Variants in FAT1 observed in about 807,000 individuals in gnomAD.
FAT1 encodes the protein protocadherin Fat 1.
A neutral mutation model predicts 329.8 loss-of-function variants in FAT1; 171 were observed. The ratio of observed to expected loss-of-function variants is 0.52; its 90% CI spans 0.46 to 0.59. FAT1 has a LOEUF of 0.59. FAT1 is among the 20% of genes least tolerant of loss of function. The pLI is 0.00. For synonymous variants in FAT1, 2,233 were observed against 2,228.6 expected, an observed-to-expected ratio of 1.00 and a Z score of -0.06; for missense variants, 5,672 against 5,774.4, an observed-to-expected ratio of 0.98 and a Z score of 0.57.
At chr4:186,700,395 C>T (rs531984823) in intron 2 of FAT1, among the ~76,000 whole-genome samples, 8 of 152,360 alleles carry the variant, frequency 5.3e-5, no homozygotes, top group African/African-American at 1.9e-4. Flanking sequence ...CACCTGGATT[C>T]ACCCACGCCT....
In FAT1 at chr4:186,707,289, T is replaced by C; in HGVS notation, c.2539A>G (p.Thr847Ala). ...CCGTTGGGCCCCAGGTCTTTATCTG[T>C]GGCTTCAACCTGGATGATTTCACTA... Reference protein sequence around the residue: ...VHSEIIQVEATDKDLGPNGHV... With the variant: ...VHSEIIQVEAADKDLGPNGHV... The change falls in exon 2 of 27, where the codon ACA (threonine) becomes GCA (alanine). Residue 847 changes from threonine to alanine, a missense_variant. By Grantham distance (58) the Thr-to-Ala change is moderately conservative (BLOSUM62 0). Transcript: ENST00000441802. 6.2e-7 allele frequency: 1 copy of C among 1,614,026 alleles called. No homozygotes were observed. Among genetic ancestry groups the C allele is most frequent in the Non-Finnish European group, 8.5e-7 (1 of 1,179,884 alleles).
upstream of FAT1, chr4:186,726,693 C>T (rs1745735218): frequency 6.6e-6 from 1 of 152,190 alleles, no homozygotes; most frequent in African/African-American, 2.4e-5. Context: ...TGCGGCGACT[C>T]GCTGCCTCTT....
chr4:186,676,235 G>A lies in FAT1; in HGVS notation c.3266-12622C>T, dbSNP rs1445345453. 2.0e-5 allele frequency among the ~76,000 whole-genome samples: 3 copies of A among 149,420 alleles called. No individual in the cohort carries two copies. In the South Asian group the frequency reaches 6.4e-4, roughly 32 times the overall value. ...CTGCTTGAATTTTATAATGCAACAT[G>A]TAATAAAGTGATTTTAAAAAAATAA... On this transcript the variant is annotated intron_variant, in intron 2 of 26. Transcript: ENST00000441802.
intron 12 of FAT1, among the ~76,000 whole-genome samples, chr4:186,613,635 A>T (rs1324573967): frequency 6.6e-6 from 1 of 152,242 alleles, no homozygotes; most frequent in Non-Finnish European, 1.5e-5. Flanking sequence ...AAATTTAAAA[A>T]ATGTTTAAAT....
intron 17 of FAT1, 111 bp downstream of exon 17, chr4:186,605,959 G>A (rs1254554124): frequency 1.6e-5 from 16 of 1,007,724 alleles, no homozygotes; most frequent in East Asian, 2.4e-5. Flanking sequence ...TGAATTCTAC[G>A]TTTCCCATTT....
At chr4:186,594,293 C>T (rs1738389134) in intron 26 of FAT1, among the ~76,000 whole-genome samples, 1 of 149,758 alleles carries the variant, frequency 6.7e-6, no homozygotes, top group South Asian at 2.1e-4. Context: ...GATCTCCCAA[C>T]CTTGTGATCC....
intron 2 of FAT1, among the ~76,000 whole-genome samples, chr4:186,677,873 T>TA (rs1390891319): frequency 6.6e-6 from 1 of 152,130 alleles, no homozygotes; most frequent in African/African-American, 2.4e-5. Context: ...TATATAAGAA[T>TA]AGATTGGCAA....
intron 7 of FAT1, among the ~76,000 whole-genome samples, chr4:186,632,660 G>T (rs1203778626): frequency 2.7e-5 from 4 of 150,438 alleles, no homozygotes; most frequent in African/African-American, 9.9e-5. Context: ...TTTGGAGAAA[G>T]AAATATTTTT....
In FAT1 at chr4:186,595,828, TA is replaced by T; in HGVS notation, c.13001-3del. 6.2e-7 allele frequency: 1 copy of T among 1,613,766 alleles called. No homozygotes were observed. The highest frequency in any genetic ancestry group is 8.5e-7 in the Non-Finnish European group (1 of 1,179,832). Reference sequence around the variant, plus strand: ...AGGGATCAAGATCCACCACTTTTGCTAAAAGGAAGGATGACAAACAGTAAGT... The same window carrying T: ...AGGGATCAAGATCCACCACTTTTGCTAAAGGAAGGATGACAAACAGTAAGT... On this transcript the variant is annotated splice_polypyrimidine_tract_variant and splice_region_variant and intron_variant, in intron 25 of 26. Transcript: ENST00000441802.
chr4:186,593,017 G>C (rs115272868), intron 26 of FAT1, among the ~76,000 whole-genome samples: 4,669 of 152,136 alleles, frequency 0.031, 139 homozygotes, highest in African/African-American at 0.081. Flanking sequence ...AAAACTTTTA[G>C]CTTTAAATTT....
At chr4:186,627,584 T>C (rs1197175217) in intron 9 of FAT1, among the ~76,000 whole-genome samples, 1 of 152,126 alleles carries the variant, frequency 6.6e-6, no homozygotes, top group Non-Finnish European at 1.5e-5. Context: ...CTCTGGGGTC[T>C]AGTCCTCAAC....
intron 2 of FAT1, among the ~76,000 whole-genome samples, chr4:186,667,342 G>A (rs928290236): frequency 8.6e-5 from 13 of 151,986 alleles, no homozygotes; most frequent in African/African-American, 2.9e-4. Context: ...GGTAATCTAC[G>A]GATATTACTA....
At position 186,596,295 on chromosome 4, in the gene FAT1, T is replaced by C. The variant is rs1738508836; in HGVS notation, c.13000+245A>G. 6.6e-6 allele frequency among the ~76,000 whole-genome samples: 1 copy of C among 152,192 alleles called. No homozygotes were observed. Among genetic ancestry groups the C allele is most frequent in the Non-Finnish European group, 1.5e-5 (1 of 68,030 alleles). On this transcript the variant is annotated intron_variant, in intron 25 of 26. Coordinates refer to ENST00000441802, the MANE Select transcript of FAT1 (RefSeq NM_005245.4). The surrounding 1 kb of genome is among the most constrained non-coding windows in gnomAD (Gnocchi z 4.7). ...ATGAGAACCTTTATCAATTATAAAA[T>C]GAAATGATCTCTCCAGAATATTAAC...
Position 186,636,028 on chromosome 4 carries a change from T to A in FAT1, c.4180A>T (p.Thr1394Ser). 6.2e-7 allele frequency: 1 copy of A among 1,613,846 alleles called. No homozygotes were observed. The highest frequency in any genetic ancestry group is 8.5e-7 in the Non-Finnish European group (1 of 1,179,792). ...GAAAATGAGGGGGAATGCTTACCAG[T>A]GATGTCAAACCAAAGGGGTATGCCA... is the stretch of plus-strand genomic sequence containing the variant. ...PPGIPLWFDI[T>S]GGNYDSHFDV... The change falls in exon 6 of 27, where the codon ACT becomes TCT. Residue 1394 changes from threonine to serine, a missense_variant. By Grantham distance (58) the Thr-to-Ser change is moderately conservative. Around this residue, in one of 2 missense-constraint regions of FAT1, gnomAD observed 3,966 missense variants for 3,915.2 expected, o/e 1.01. Coordinates refer to ENST00000441802, the MANE Select transcript of FAT1 (RefSeq NM_005245.4).
intron 20 of FAT1, among the ~76,000 whole-genome samples, chr4:186,601,862 T>C (rs1738833289): frequency 1.3e-5 from 2 of 152,102 alleles, no homozygotes; most frequent in South Asian, 4.1e-4. Flanking sequence ...ACTGACTAAA[T>C]AACAATTGAA....
chr4:186,620,924 G>C lies in FAT1; in HGVS notation c.5662C>G (p.Leu1888Val), dbSNP rs771540965. The C allele has an allele frequency of 6.2e-7, 1 of 1,614,004 alleles. No homozygotes were observed. The highest frequency in any genetic ancestry group is 8.5e-7 in the Non-Finnish European group (1 of 1,179,896). The stretch of plus-strand genomic sequence containing the variant: ...ACTCCTTTGTATGTTGGTAACAAAA[G>C]AGATGCTTCATATAATGGCTTGGCA... ...VFAKPLYEAS[L>V]LLPTYKGVKV... The change falls in exon 10 of 27, where the codon CTT (leucine) becomes GTT (valine). Residue 1888 changes from leucine (L) to valine (V), a missense_variant. By Grantham distance (32) the Leu-to-Val change is conservative. Around this residue, in one of 2 missense-constraint regions of FAT1, gnomAD observed 3,966 missense variants for 3,915.2 expected, o/e 1.01. Transcript: ENST00000441802.
intron 20 of FAT1, chr4:186,601,811 C>T (rs964079082): frequency 6.2e-6 from 1 of 160,778 alleles, no homozygotes; most frequent in African/African-American, 2.4e-5. Context: ...CAAATGTCAT[C>T]AATCTCCACA....
At chr4:186,693,696 G>A (rs1023874239) in intron 2 of FAT1, among the ~76,000 whole-genome samples, 1 of 152,158 alleles carries the variant, frequency 6.6e-6, no homozygotes, top group African/African-American at 2.4e-5. Flanking sequence ...AATGAGTGGA[G>A]GCTGTTCTAA....
rs1481941724 is a variant in FAT1, at chr4:186,708,236, G to C, written c.1592C>G (p.Pro531Arg). ...ACGAATCCTCAGAGTATAAACCCGA[G>C]GCATCAGTTCGTAGTCCAGGTTTTC... Reference protein sequence around the residue: ...TSENLDYELMPRVYTLRIRAS... With the variant: ...TSENLDYELMRRVYTLRIRAS... The change falls in exon 2 of 27, where the codon CCT becomes CGT. Residue 531 changes from proline to arginine, a missense_variant. Physicochemically the swap from Pro to Arg is moderately radical, Grantham distance 103. Around this residue, in one of 2 missense-constraint regions of FAT1, gnomAD observed 3,966 missense variants for 3,915.2 expected, o/e 1.01. Coordinates refer to ENST00000441802, the MANE Select transcript of FAT1 (RefSeq NM_005245.4). 1.2e-6 allele frequency: 2 copies of C among 1,613,966 alleles called. No individual in the cohort carries two copies. Among genetic ancestry groups the C allele is most frequent in the Non-Finnish European group, 8.5e-7 (1 of 1,179,892 alleles).
Sources: gnomAD v4.1 joint callset for allele counts (sites outside exome capture counted in the v4.1 genomes callset) on GRCh38, gnomAD v4.1.1 for gene constraint, gnomAD v4.1.1 regional missense constraint, Gnocchi (gnomAD v3.1) non-coding constraint, MANE v1.5 for transcripts, NCBI Gene and HGNC (gene_info 2026-07-23, HGNC 2026-07-21) for gene names.